The following AP3B1 variants were observed in gnomAD, a reference collection of about 807,000 sequenced individuals.
AP3B1 encodes AP-3 complex subunit beta-1.
Under a neutral mutation model 132.5 loss-of-function variants are expected in AP3B1, and 61 were observed. The ratio of observed to expected loss-of-function variants is 0.46; its 90% CI spans 0.37 to 0.57. AP3B1 has a LOEUF of 0.57. Ranked by LOEUF, AP3B1 falls within the 20% of genes least tolerant of loss-of-function variation. The pLI is 0.00. For synonymous variants in AP3B1, 388 were observed against 438.3 expected (o/e 0.89, Z 1.43); for missense variants, 1,120 against 1,289.4 (o/e 0.87, Z 2.01).
At chr5:78,117,886 T>C (rs1242737189) in intron 17 of AP3B1, among the ~76,000 whole-genome samples, 1 of 152,192 alleles carries the variant, frequency 6.6e-6, no homozygotes, top group Admixed American at 6.5e-5. Context: ...GGGAAATGTA[T>C]ACTTCTGAAA....
At chr5:78,155,762 G>A (rs543793883) in intron 14 of AP3B1, among the ~76,000 whole-genome samples, 1 of 151,894 alleles carries the variant, frequency 6.6e-6, no homozygotes, top group Non-Finnish European at 1.5e-5. Flanking sequence ...AAGGGGTGAT[G>A]AAAATGTCCT....
At chr5:78,090,450 T>C (rs1750463483) in intron 21 of AP3B1, among the ~76,000 whole-genome samples, 1 of 152,236 alleles carries the variant, frequency 6.6e-6, no homozygotes, top group Non-Finnish European at 1.5e-5. Context: ...GAGCCTTTTA[T>C]ATTCTACTCT....
rs189532896 is a variant in AP3B1 at position 78,221,566 on chromosome 5, C to T, written c.603+3976G>A. On this transcript the variant is annotated intron_variant, in intron 6 of 26. Transcript: ENST00000255194. Reference sequence around the variant, plus strand: ...GAAGACTAAATTGCAAGGTGCCCTTCGAATAAAATTACTGAATGAAAATTT... The same window carrying T: ...GAAGACTAAATTGCAAGGTGCCCTTTGAATAAAATTACTGAATGAAAATTT... Among the ~76,000 whole-genome samples, 1,222 of 151,120 alleles carry T rather than the reference C, an allele frequency of 8.1e-3. 19 individuals carry two copies. Among genetic ancestry groups the T allele is most frequent in the Admixed American group, 0.046 (693 of 15,196 alleles).
chr5:78,201,535 A>G (rs1745288720), intron 7 of AP3B1, among the ~76,000 whole-genome samples: 1 of 152,242 alleles, frequency 6.6e-6, no homozygotes, highest in African/African-American at 2.4e-5. Context: ...TCTCCAAAAT[A>G]TTATGCTGAG....
chr5:78,169,219 T>C (rs116481834), intron 11 of AP3B1, among the ~76,000 whole-genome samples: 1,526 of 152,042 alleles, frequency 0.01, 16 homozygotes, highest in Middle Eastern at 0.024. Context: ...CTGAAAACAA[T>C]GCTCTTTCAT....
intron 11 of AP3B1, among the ~76,000 whole-genome samples, chr5:78,170,225 A>G (rs140863424): frequency 0.024 from 3,685 of 152,258 alleles, 164 homozygotes; most frequent in African/African-American, 0.081. Flanking sequence ...ATACGTGTGC[A>G]TGTGTCTTTA....
chr5:78,122,584 CTCCCATTCACAA>C (rs1286040879), intron 17 of AP3B1, among the ~76,000 whole-genome samples: 1 of 152,180 alleles, frequency 6.6e-6, no homozygotes, highest in African/African-American at 2.4e-5. Flanking sequence ...CATGAGTGAA[CTCCCATTCACAA>C]TTGCTTCAAA....
At chr5:78,080,251 C>T (rs1014280987) in intron 22 of AP3B1, among the ~76,000 whole-genome samples, 4 of 152,064 alleles carry the variant, frequency 2.6e-5, no homozygotes, top group African/African-American at 7.2e-5. Flanking sequence ...TCAAGCAATC[C>T]GCCTGCCTCA....
intron 1 of AP3B1, among the ~76,000 whole-genome samples, chr5:78,289,520 A>C (rs769310394): frequency 6.6e-6 from 1 of 152,186 alleles, no homozygotes; most frequent in Non-Finnish European, 1.5e-5. Context: ...CTACCTTTCA[A>C]CGTGTGCAGG....
At chr5:78,208,871 T>C (rs1745618569) in intron 7 of AP3B1, among the ~76,000 whole-genome samples, 1 of 152,136 alleles carries the variant, frequency 6.6e-6, no homozygotes, top group African/African-American at 2.4e-5. Context: ...AATGCTATTA[T>C]ACAGCTGAAT....
chr5:78,036,962 C>A (rs1747833365), intron 23 of AP3B1, among the ~76,000 whole-genome samples: 1 of 152,072 alleles, frequency 6.6e-6, no homozygotes, highest in Non-Finnish European at 1.5e-5. Context: ...GTACATACTG[C>A]AGACAAAAGA....
At chr5:78,194,219 A>C (rs1439822375) in intron 7 of AP3B1, among the ~76,000 whole-genome samples, 1 of 152,140 alleles carries the variant, frequency 6.6e-6, no homozygotes, top group Non-Finnish European at 1.5e-5. Context: ...TATTTTTAGT[A>C]TATTATGCAT....
At chr5:78,100,278 G>C (rs1215875932) in intron 21 of AP3B1, among the ~76,000 whole-genome samples, 1 of 152,128 alleles carries the variant, frequency 6.6e-6, no homozygotes, top group Non-Finnish European at 1.5e-5. Flanking sequence ...AAAAATGATA[G>C]TAGTTTAATA....
chr5:78,228,685 C>A (rs955625688), intron 3 of AP3B1, among the ~76,000 whole-genome samples: 1 of 152,130 alleles, frequency 6.6e-6, no homozygotes, highest in Non-Finnish European at 1.5e-5. Flanking sequence ...AGAGACCCTA[C>A]CTCTTTAAAA....
intron 22 of AP3B1, among the ~76,000 whole-genome samples, chr5:78,080,302 C>G (rs1303962843): frequency 6.6e-6 from 1 of 152,150 alleles, no homozygotes; most frequent in Admixed American, 6.5e-5. Flanking sequence ...AGCCACTGTG[C>G]CCAGCCTGTG....
Position 78,044,058 on chromosome 5 carries a change from C to T in AP3B1, c.2578-4784G>A, listed in dbSNP as rs1462144496. ...TTGTTAGAATAGAAGGTATTGATGA[C>T]GAGAGACATGAGTTGGGCAATATCT... is the stretch of plus-strand genomic sequence containing the variant. On this transcript the variant is annotated intron_variant, in intron 22 of 26. Transcript: ENST00000255194. The T allele has an allele frequency of 4.8e-5, 14 of 294,636 alleles. 1 individual carries two copies. The highest frequency in any genetic ancestry group is 8.7e-5 in the Non-Finnish European group (13 of 149,036). The allele number at this position is 294,636 out of a possible 1,614,324, so 18.3% of individuals were successfully genotyped here. A position where few individuals can be genotyped will look rare whatever the true frequency, so the allele number is the denominator to read the frequency against.
At chr5:78,290,771 A>C (rs1024782661) in intron 1 of AP3B1, among the ~76,000 whole-genome samples, 3 of 152,218 alleles carry the variant, frequency 2.0e-5, no homozygotes, top group African/African-American at 7.2e-5. Context: ...CAACATGGCA[A>C]GACCCCATCT....
intron 22 of AP3B1, among the ~76,000 whole-genome samples, chr5:78,072,353 C>G (rs1017946190): frequency 6.6e-6 from 1 of 152,144 alleles, no homozygotes; most frequent in Non-Finnish European, 1.5e-5. Context: ...CTAATTTCAC[C>G]TAAAATACAG....
chr5:78,248,784 C>G (rs1252213287), intron 2 of AP3B1, among the ~76,000 whole-genome samples: 1 of 152,094 alleles, frequency 6.6e-6, no homozygotes, highest in Non-Finnish European at 1.5e-5. Flanking sequence ...TTTATTTCAT[C>G]TTCGTTCTTG....
Sources: gnomAD v4.1 joint callset for allele counts (sites outside exome capture counted in the v4.1 genomes callset) on GRCh38, gnomAD v4.1.1 for gene constraint, MANE v1.5 for transcripts, NCBI Gene and HGNC (gene_info 2026-07-23, HGNC 2026-07-21) for gene names.